The following DGAT2 variants were observed in gnomAD, a reference collection of about 807,000 sequenced individuals.
DGAT2 encodes the protein acyl-CoA retinol O-fatty-acyltransferase.
Under a neutral mutation model 48.4 loss-of-function variants are expected in DGAT2, and 33 were observed. The observed-to-expected ratio is 0.68, with a 90% CI of 0.52 to 0.91. The LOEUF (loss-of-function observed/expected upper bound fraction) is 0.91, where lower values mean the gene tolerates loss of function less well. DGAT2 is among the 40% of genes least tolerant of loss of function. The pLI, the probability that DGAT2 is intolerant of heterozygous loss-of-function variation, is 0.00. For synonymous variants in DGAT2, 191 were observed against 194.1 expected, an observed-to-expected ratio of 0.98 and a Z score of 0.13; for missense variants, 446 against 493.7, an observed-to-expected ratio of 0.90 and a Z score of 0.92.
At chr11:75,791,662 G>A (rs888274630) in intron 4 of DGAT2, among the ~76,000 whole-genome samples, 29 of 152,262 alleles carry the variant, frequency 1.9e-4, no homozygotes, top group African/African-American at 7.0e-4. Flanking sequence ...CTGTTTCTCT[G>A]GGAGAGATTC....
At chr11:75,778,028 C>T (rs951745495) in intron 1 of DGAT2, among the ~76,000 whole-genome samples, 2 of 152,228 alleles carry the variant, frequency 1.3e-5, no homozygotes, top group Non-Finnish European at 2.9e-5. Context: ...ACATCATCTG[C>T]TGTGCTCACT....
intron 1 of DGAT2, chr11:75,775,881 C>T (rs974421134): frequency 5.9e-5 from 9 of 152,204 alleles, no homozygotes; most frequent in Non-Finnish European, 8.8e-5. Flanking sequence ...TATAATTGTT[C>T]GCAGCTTTGT....
intron 4 of DGAT2, chr11:75,792,047 G>A (rs1012267069): frequency 6.6e-6 from 1 of 152,292 alleles, no homozygotes; most frequent in Non-Finnish European, 1.5e-5. Context: ...AGGCTCCAGT[G>A]TTCTCTGTTG....
intron 1 of DGAT2, 144 bp downstream of exon 1, chr11:75,769,256 T>A (rs1379213018): frequency 1.9e-6 from 2 of 1,054,634 alleles, no homozygotes; most frequent in Non-Finnish European, 2.5e-6. Flanking sequence ...TACATCGCTT[T>A]CCACCCGCCC....
In DGAT2 at chr11:75,790,205, A is replaced by G; in HGVS notation, c.268A>G (p.Ile90Val). The G allele has an allele frequency of 6.2e-7, 1 of 1,613,972 alleles. No homozygotes were observed. The highest frequency in any genetic ancestry group is 1.3e-5 in the African/African-American group (1 of 75,040). The change falls in exon 3 of 8, where the codon ATC becomes GTC. Residue 90 changes from isoleucine (I) to valine (V), a missense_variant. By Grantham distance (29) the Ile-to-Val change is conservative. Transcript: ENST00000228027. ...CCCCCCAGGAGTGGCCTGCAGTGCCATCCTCATGTACATATTCTGCACTGA... is the reference window on the plus strand; with the variant it reads ...CCCCCCAGGAGTGGCCTGCAGTGCCGTCCTCATGTACATATTCTGCACTGA... ...FLVLGVACSA[I>V]LMYIFCTDCW... is the part of the protein sequence containing the mutation.
chr11:75,770,027 A>C (rs1944741920), intron 1 of DGAT2, among the ~76,000 whole-genome samples: 1 of 152,220 alleles, frequency 6.6e-6, no homozygotes, highest in Non-Finnish European at 1.5e-5. Flanking sequence ...GGAATTTTTG[A>C]AAATATAGAC....
chr11:75,790,356 A>G, intron 3 of DGAT2, 61 bp downstream of exon 3: 1 of 1,366,770 alleles, frequency 7.3e-7, no homozygotes, highest in Non-Finnish European at 1.0e-6. Flanking sequence ...CCCCTGCACA[A>G]GCTGAAGGGC....
In DGAT2 at chr11:75,768,814, T is replaced by C; in HGVS notation, c.-178T>C. On this transcript the variant is annotated 5_prime_UTR_variant, in exon 1 of 8. Coordinates refer to ENST00000228027, the MANE Select transcript of DGAT2 (RefSeq NM_032564.5). Reference sequence around the variant, plus strand: ...CGCCTCTGCTGGGGTCTAGGCTGTTTCTCTCGCGCCACCACTGGCCGCCGG... The same window carrying C: ...CGCCTCTGCTGGGGTCTAGGCTGTTCCTCTCGCGCCACCACTGGCCGCCGG... The C allele has an allele frequency of 2.6e-6, 2 of 758,208 alleles. No homozygotes were observed. The highest frequency in any genetic ancestry group is 6.8e-5 in the East Asian group (2 of 29,226). The allele number at this position is 758,208 out of a possible 1,614,324, so 47.0% of individuals were successfully genotyped here. A position where few individuals can be genotyped will look rare whatever the true frequency, so the allele number is the denominator to read the frequency against.
At chr11:75,769,587 C>T (rs562390303) in intron 1 of DGAT2, among the ~76,000 whole-genome samples, 1 of 152,286 alleles carries the variant, frequency 6.6e-6, no homozygotes, top group African/African-American at 2.4e-5. Flanking sequence ...ACTCTTGAGC[C>T]TGGCATGCTT....
rs377676292 is a variant in DGAT2, at chr11:75,800,428, A to G, written c.1087A>G (p.Met363Val). 6 of 1,614,052 alleles carry G rather than the reference A, an allele frequency of 3.7e-6. No individual in the cohort carries two copies. The highest frequency in any genetic ancestry group is 2.2e-5 in the East Asian group (1 of 44,884). Residue 363 changes from methionine to valine, a missense_variant, in exon 8 of 8, where the codon ATG (methionine) becomes GTG (valine). Physicochemically the swap from Met to Val is conservative, Grantham distance 21. Transcript: ENST00000228027. The part of the protein sequence containing the change: ...QDIDLYHTMY[M>V]EALVKLFDKH... ...CATCGACCTGTACCACACCATGTAC[A>G]TGGAGGCCCTGGTGAAGCTCTTCGA...
At chr11:75,793,276 T>TG (rs1311130021) in intron 4 of DGAT2, 2 of 151,262 alleles carry the variant, frequency 1.3e-5, no homozygotes, top group African/African-American at 4.9e-5. Context: ...GGGAGGGGAG[T>TG]GTGACATGAA....
intron 7 of DGAT2, among the ~76,000 whole-genome samples, 168 bp from the exon 8 acceptor site, chr11:75,800,186 G>GTCTTT (rs1945095408): frequency 6.6e-6 from 1 of 152,158 alleles, no homozygotes; most frequent in African/African-American, 2.4e-5. Flanking sequence ...CTGGGCCTCA[G>GTCTTT]TCTTTTCATC....
chr11:75,778,813 G>A (rs529037226), intron 1 of DGAT2, among the ~76,000 whole-genome samples: 25 of 134,020 alleles, frequency 1.9e-4, no homozygotes, highest in Admixed American at 4.1e-4. Flanking sequence ...CAGCCTGGGC[G>A]ACAGATCGGG....
intron 1 of DGAT2, among the ~76,000 whole-genome samples, chr11:75,773,051 T>A (rs557233816): frequency 1.3e-5 from 2 of 152,338 alleles, no homozygotes; most frequent in South Asian, 4.1e-4. Flanking sequence ...AGGAACCTTG[T>A]CTGTCTTTCT....
intron 2 of DGAT2, among the ~76,000 whole-genome samples, chr11:75,786,452 C>G (rs1944923708): frequency 6.6e-6 from 1 of 152,294 alleles, no homozygotes; most frequent in Non-Finnish European, 1.5e-5. Flanking sequence ...CTACCACTAT[C>G]CCTGTCTTAA....
Position 75,796,078 on chromosome 11 carries a change from A to G in DGAT2, c.430-250A>G, listed in dbSNP as rs115902603. The G allele has an allele frequency of 6.2e-3, 3,212 of 514,622 alleles. 94 individuals carry two copies. The highest frequency in any genetic ancestry group is 0.055 in the African/African-American group (2,896 of 52,222). The allele number at this position is 514,622 out of a possible 1,614,324, so 31.9% of individuals were successfully genotyped here. ...AGAAGAGCTGCTGTGTGCATGGCTG[A>G]AGACTGAGAGGAACAAGGGCAAACA... On this transcript the variant is annotated intron_variant, in intron 4 of 7. Coordinates refer to ENST00000228027, the MANE Select transcript of DGAT2 (RefSeq NM_032564.5).
intron 3 of DGAT2, 93 bp from the exon 4 acceptor site, chr11:75,790,568 G>C: frequency 8.4e-7 from 1 of 1,191,308 alleles, no homozygotes; most frequent in Non-Finnish European, 1.3e-6. Flanking sequence ...TGGGGTGATG[G>C]TCACCTGCTT....
At chr11:75,775,741 T>C (rs1590864078) in intron 1 of DGAT2, among the ~76,000 whole-genome samples, 2 of 152,364 alleles carry the variant, frequency 1.3e-5, no homozygotes, top group South Asian at 4.1e-4. Context: ...GTCTTCTCTC[T>C]GTTTCGGGCC....
intron 1 of DGAT2, among the ~76,000 whole-genome samples, chr11:75,777,926 T>C (rs1944818115): frequency 6.6e-6 from 1 of 152,170 alleles, no homozygotes; most frequent in African/African-American, 2.4e-5. Context: ...ACGTAGGTGT[T>C]TTATCTCTCC....
Sources: allele counts gnomAD v4.1 joint callset (sites outside exome capture counted in the v4.1 genomes callset), GRCh38; gene constraint gnomAD v4.1.1; transcripts MANE v1.5; gene names NCBI Gene and HGNC (gene_info 2026-07-23, HGNC 2026-07-21).